The following FBN2 variants were observed in gnomAD, a reference collection of about 807,000 sequenced individuals.
FBN2 encodes fibrillin-2.
Under a neutral mutation model 355.6 loss-of-function variants are expected in FBN2, and 105 were observed. That is an observed-to-expected ratio of 0.30 (90% CI 0.25 to 0.35). The LOEUF is 0.35. FBN2 is among the 10% of genes least tolerant of loss of function. FBN2 has a pLI of 1.00. For synonymous variants in FBN2, 1,350 were observed against 1,301.2 expected, an observed-to-expected ratio of 1.04 and a Z score of -0.81; for missense variants, 3,280 against 3,758.7, an observed-to-expected ratio of 0.87 and a Z score of 3.33.
chr5:128,391,770 G>A (rs1752518742), intron 11 of FBN2, among the ~76,000 whole-genome samples: 1 of 152,042 alleles, frequency 6.6e-6, no homozygotes, highest in African/African-American at 2.4e-5. Flanking sequence ...TTTCTAAGGA[G>A]AATGGAAAGG....
At chr5:128,273,714 T>G in intron 61 of FBN2, 126 bp downstream of exon 61, 1 of 923,584 alleles carries the variant, frequency 1.1e-6, no homozygotes, top group East Asian at 2.6e-5. Context: ...AGGAATAAGT[T>G]GCTGGGTCCT....
chr5:128,446,542 G>A lies in FBN2; in HGVS notation c.891C>T (p.Gly297=), dbSNP rs539258943. Residue 297 remains glycine, a synonymous_variant, in exon 7 of 65, where the codon GGC becomes GGT. Transcript: ENST00000262464. ...CAGCAGGGCATCTGCATTCAAAAGA[G>A]CCCACTGTATTGATACAGTTTCCTC... ...CQGGNCINTV[G]SFECRCPAGH... The A allele has an allele frequency of 6.2e-7, 1 of 1,613,796 alleles. No individual in the cohort carries two copies. The highest frequency in any genetic ancestry group is 8.5e-7 in the Non-Finnish European group (1 of 1,179,710).
chr5:128,490,316 T>C (rs1755466504), intron 5 of FBN2, among the ~76,000 whole-genome samples: 1 of 152,194 alleles, frequency 6.6e-6, no homozygotes, highest in African/African-American at 2.4e-5. Context: ...AGAGATGTCA[T>C]GAGAACTTCC....
chr5:128,388,365 G>C (rs1752421673), intron 11 of FBN2, among the ~76,000 whole-genome samples: 1 of 152,172 alleles, frequency 6.6e-6, no homozygotes, highest in Non-Finnish European at 1.5e-5. Context: ...GGTATGTGCT[G>C]ATTTGATCCT....
intron 55 of FBN2, 93 bp downstream of exon 55, chr5:128,286,625 T>G: frequency 6.9e-7 from 1 of 1,447,364 alleles, no homozygotes; most frequent in Non-Finnish European, 9.7e-7. Context: ...GGAAAAAGAG[T>G]TGGCTTGCAG....
At chr5:128,405,199 A>G (rs1752894650) in intron 8 of FBN2, among the ~76,000 whole-genome samples, 1 of 152,176 alleles carries the variant, frequency 6.6e-6, no homozygotes, top group South Asian at 2.1e-4. Context: ...TCTTTAAAAA[A>G]CAAAAAAGGA....
intron 3 of FBN2, 141 bp downstream of exon 3, chr5:128,530,454 A>G (rs1743364048): frequency 1.5e-6 from 1 of 682,582 alleles, no homozygotes; most frequent in African/African-American, 1.8e-5. Context: ...AAAATGGGGT[A>G]TTAACAGTAT....
At chr5:128,363,127 G>A (rs577857148) in intron 18 of FBN2, among the ~76,000 whole-genome samples, 2 of 151,972 alleles carry the variant, frequency 1.3e-5, no homozygotes, top group Non-Finnish European at 2.9e-5. Context: ...TACAAATTGT[G>A]ACTGCATCAC....
At chr5:128,295,695 A>C (rs1218255092) in intron 48 of FBN2, among the ~76,000 whole-genome samples, 2 of 124,446 alleles carry the variant, frequency 1.6e-5, no homozygotes, top group Non-Finnish European at 3.3e-5. Flanking sequence ...TTGTATCCTG[A>C]GACTTTGCTG....
At chr5:128,411,624 A>G (rs1246389235) in intron 7 of FBN2, among the ~76,000 whole-genome samples, 3 of 152,076 alleles carry the variant, frequency 2.0e-5, no homozygotes, top group Non-Finnish European at 4.4e-5. Flanking sequence ...CTCCTTTGCC[A>G]GTGGAGCTTG....
At chr5:128,513,895 G>A (rs1756200826) in intron 5 of FBN2, among the ~76,000 whole-genome samples, 1 of 151,830 alleles carries the variant, frequency 6.6e-6, no homozygotes, top group Admixed American at 6.6e-5. Context: ...GGTATCAACT[G>A]AGCTAGTGCC....
chr5:128,310,382 A>C (rs1380573065), intron 39 of FBN2, among the ~76,000 whole-genome samples: 3 of 12,780 alleles, frequency 2.3e-4, no homozygotes, highest in African/African-American at 1.0e-3. Context: ...ATATATATAT[A>C]TATATATATA....
intron 41 of FBN2, among the ~76,000 whole-genome samples, chr5:128,307,514 A>G (rs1190559582): frequency 6.6e-6 from 1 of 152,108 alleles, no homozygotes; most frequent in Non-Finnish European, 1.5e-5. Flanking sequence ...TTTAATATGC[A>G]GAGCTTTAAA....
intron 11 of FBN2, among the ~76,000 whole-genome samples, chr5:128,380,576 A>C (rs1752205768): frequency 6.6e-6 from 1 of 152,124 alleles, no homozygotes; most frequent in East Asian, 1.9e-4. Context: ...TCAGGGACTC[A>C]TCAAGGGTCT....
chr5:128,526,608 T>C (rs542243372), intron 4 of FBN2, among the ~76,000 whole-genome samples: 12 of 152,174 alleles, frequency 7.9e-5, no homozygotes, highest in Non-Finnish European at 1.5e-4. Flanking sequence ...GAGGGCACTA[T>C]GCTAAGTATA....
In FBN2 at chr5:128,309,858, C is replaced by T. The variant is rs1418150104; in HGVS notation, c.5200+125G>A. On this transcript the variant is annotated intron_variant, in intron 40 of 64. Coordinates refer to ENST00000262464, the MANE Select transcript of FBN2 (RefSeq NM_001999.4). Reference sequence around the variant, plus strand: ...GATACTAAGCCAGCAGCTTGCAAGACTCTGAAATATCTCAATTCACGAAGA... The same window carrying T: ...GATACTAAGCCAGCAGCTTGCAAGATTCTGAAATATCTCAATTCACGAAGA... 1.3e-5 allele frequency: 15 copies of T among 1,118,276 alleles called. No individual in the cohort carries two copies. In the Admixed American group the frequency reaches 2.6e-4, roughly 19 times the overall value. 69.3% of individuals were successfully genotyped at this position (1,118,276 alleles called of 1,614,324 possible).
intron 5 of FBN2, among the ~76,000 whole-genome samples, chr5:128,483,603 A>C (rs1325834822): frequency 6.6e-6 from 1 of 152,074 alleles, no homozygotes; most frequent in Non-Finnish European, 1.5e-5. Context: ...GCCCATTTTC[A>C]AGTTCTGAAT....
chr5:128,283,793 C>T (rs896300071), intron 55 of FBN2, among the ~76,000 whole-genome samples: 7 of 152,186 alleles, frequency 4.6e-5, no homozygotes, highest in South Asian at 4.1e-4. Flanking sequence ...GTGTCCCCAA[C>T]GAAACCTGTT....
intron 56 of FBN2, among the ~76,000 whole-genome samples, chr5:128,279,679 A>G (rs2126810466): frequency 6.6e-6 from 1 of 152,270 alleles, no homozygotes; most frequent in East Asian, 1.9e-4. Flanking sequence ...TGCAGCTGCC[A>G]TAATTAACTA....
Sources: gnomAD v4.1 joint callset for allele counts (sites outside exome capture counted in the v4.1 genomes callset) on GRCh38, gnomAD v4.1.1 for gene constraint, MANE v1.5 for transcripts, NCBI Gene and HGNC (gene_info 2026-07-23, HGNC 2026-07-21) for gene names.